The following EYA1 variants were observed in gnomAD, a reference collection of about 807,000 sequenced individuals.
EYA1 encodes EYA transcriptional coactivator and phosphatase 1, also known as protein phosphatase EYA1.
In EYA1, 16 loss-of-function variants were observed where a neutral mutation model predicts 82.0. The observed-to-expected ratio is 0.20, with a 90% confidence interval of 0.13 to 0.30. The LOEUF (loss-of-function observed/expected upper bound fraction) is 0.30. EYA1 is among the 10% of genes least tolerant of loss of function. The pLI is 1.00. For synonymous variants in EYA1, 261 were observed against 264.4 expected (o/e 0.99, Z 0.12); for missense variants, 633 against 730.7 (o/e 0.87, Z 1.54).
chr8:71,400,564 T>C (rs142573578), intron 2 of EYA1, among the ~76,000 whole-genome samples: 1,733 of 152,198 alleles, frequency 0.011, 12 homozygotes, highest in Non-Finnish European at 0.019. Flanking sequence ...ATTTAAGAAA[T>C]GCAAATAAAA....
chr8:71,481,628 T>C (rs531339082), intron 2 of EYA1, among the ~76,000 whole-genome samples: 1 of 152,314 alleles, frequency 6.6e-6, no homozygotes, highest in African/African-American at 2.4e-5. Flanking sequence ...CCAATTTCCT[T>C]TACATGATGA....
rs1424575002 is a variant in EYA1 at position 71,533,097 on chromosome 8, C to T, written c.33+2647G>A. ...TGCAAAGTGGAAACAATTAGAACAGCGGTTGCCTGTGGGGTGAGAGGATGA... is the reference window on the plus strand; with the variant it reads ...TGCAAAGTGGAAACAATTAGAACAGTGGTTGCCTGTGGGGTGAGAGGATGA... On this transcript the variant is annotated intron_variant, in intron 2 of 18. Coordinates refer to the EYA1 transcript ENST00000643681. Among the ~76,000 whole-genome samples the T allele has an allele frequency of 2.6e-5, 4 of 152,208 alleles. No homozygotes were observed. In the South Asian group the frequency reaches 6.2e-4, roughly 24 times the overall value.
At chr8:71,493,070 C>G (rs192067231) in intron 2 of EYA1, among the ~76,000 whole-genome samples, 88 of 152,320 alleles carry the variant, frequency 5.8e-4, no homozygotes, top group Non-Finnish European at 1.0e-3. Flanking sequence ...CAGCCCCATC[C>G]ATGTTCCTGC....
At chr8:71,213,943 A>C (rs1339694721) in intron 16 of EYA1, among the ~76,000 whole-genome samples, 2 of 152,206 alleles carry the variant, frequency 1.3e-5, no homozygotes, top group African/African-American at 4.8e-5. Flanking sequence ...TATGATGAGC[A>C]AGAGAGACAA....
At chr8:71,492,557 C>T (rs35562647) in intron 2 of EYA1, among the ~76,000 whole-genome samples, 25,854 of 151,428 alleles carry the variant, frequency 0.17, 2,347 homozygotes, top group African/African-American at 0.2. Flanking sequence ...CTCCGCCTCC[C>T]GGGTTCACGC....
intron 2 of EYA1, 39 bp from the exon 3 acceptor site, chr8:71,354,948 AT>A: frequency 6.2e-7 from 1 of 1,605,048 alleles, no homozygotes; most frequent in Non-Finnish European, 8.5e-7. Flanking sequence ...GATGTACCAA[AT>A]TCATAACACC....
intron 12 of EYA1, among the ~76,000 whole-genome samples, chr8:71,243,430 C>A (rs961135682): frequency 6.6e-6 from 1 of 152,004 alleles, no homozygotes; most frequent in African/African-American, 2.4e-5. Flanking sequence ...AATAGTAATG[C>A]CTTACATGTA....
intron 12 of EYA1, among the ~76,000 whole-genome samples, chr8:71,235,726 T>C (rs1204005921): frequency 6.6e-6 from 1 of 152,196 alleles, no homozygotes; most frequent in Non-Finnish European, 1.5e-5. Flanking sequence ...TTAATGGTTA[T>C]TCAATAAATA....
intron 2 of EYA1, among the ~76,000 whole-genome samples, chr8:71,500,487 G>C (rs143570692): frequency 1.5e-4 from 23 of 152,186 alleles, no homozygotes; most frequent in African/African-American, 5.5e-4. Flanking sequence ...TTTTCCAGTG[G>C]TGTTTCGGTG....
chr8:71,291,094 A>G (rs1818945632), intron 9 of EYA1, among the ~76,000 whole-genome samples: 1 of 152,242 alleles, frequency 6.6e-6, no homozygotes, highest in African/African-American at 2.4e-5. Context: ...AAATGGAAGC[A>G]TCAAGACGCT....
intron 9 of EYA1, among the ~76,000 whole-genome samples, chr8:71,297,829 C>T (rs1819757706): frequency 6.6e-6 from 1 of 151,960 alleles, no homozygotes; most frequent in South Asian, 2.1e-4. Context: ...TGTATGTACA[C>T]ATGTAAACTG....
chr8:71,291,504 G>A (rs1818992697), intron 9 of EYA1, among the ~76,000 whole-genome samples: 1 of 152,174 alleles, frequency 6.6e-6, no homozygotes, highest in Admixed American at 6.5e-5. Flanking sequence ...TCAAGTTGAT[G>A]TAAGAAATTC....
intron 2 of EYA1, among the ~76,000 whole-genome samples, chr8:71,405,889 T>C (rs1272260548): frequency 2.0e-5 from 3 of 152,208 alleles, no homozygotes; most frequent in African/African-American, 7.2e-5. Context: ...CTTTTCTCAA[T>C]TGCATTCGCC....
chr8:71,215,364 A>T (rs1231455493), intron 16 of EYA1, 23 bp downstream of exon 16: 1 of 1,608,696 alleles, frequency 6.2e-7, no homozygotes, highest in African/African-American at 1.3e-5. Flanking sequence ...CTGATTGTTA[A>T]AAAGAAAAGA....
rs143494147 is a variant in EYA1 at position 71,329,380 on chromosome 8, C to T, written c.202+4717G>A. Among the ~76,000 whole-genome samples, 612 of 152,180 alleles carry T rather than the reference C, an allele frequency of 4.0e-3. 6 individuals carry two copies. Among genetic ancestry groups the T allele is most frequent in the Admixed American group, 8.0e-3 (123 of 15,286 alleles). On this transcript the variant is annotated intron_variant, in intron 4 of 17. Coordinates refer to ENST00000340726, the MANE Select transcript of EYA1 (RefSeq NM_000503.6). ...ATGCTCTATCTGGCAAACCCTTGAC[C>T]CTGGATCAAGCCCAGCATCTTTTCA...
intron 9 of EYA1, among the ~76,000 whole-genome samples, chr8:71,296,479 A>T (rs972562544): frequency 4.0e-5 from 6 of 151,308 alleles, no homozygotes; most frequent in Non-Finnish European, 8.8e-5. Flanking sequence ...GCATGAGATA[A>T]ATATCACATA....
intron 2 of EYA1, among the ~76,000 whole-genome samples, chr8:71,367,256 T>G (rs931224155): frequency 3.3e-5 from 5 of 152,166 alleles, no homozygotes; most frequent in Admixed American, 2.6e-4. Context: ...ATCAATTTCT[T>G]ACATTTTACC....
intron 4 of EYA1, among the ~76,000 whole-genome samples, chr8:71,322,744 G>A (rs1462602529): frequency 7.9e-5 from 12 of 152,104 alleles, no homozygotes; most frequent in South Asian, 2.1e-4. Context: ...ATCTTCTCTC[G>A]GGTGAGAAGA....
At chr8:71,479,809 T>C (rs1009796380) in intron 2 of EYA1, among the ~76,000 whole-genome samples, 1 of 152,110 alleles carries the variant, frequency 6.6e-6, no homozygotes, top group African/African-American at 2.4e-5. Flanking sequence ...ACCACTCAAC[T>C]GTGCTTCCCA....
Sources: allele counts gnomAD v4.1 joint callset (sites outside exome capture counted in the v4.1 genomes callset), GRCh38; gene constraint gnomAD v4.1.1; transcripts MANE v1.5; gene names NCBI Gene and HGNC (gene_info 2026-07-23, HGNC 2026-07-21).